KCNMA1: variants seen among roughly 807,000 people sequenced by gnomAD.
The protein encoded by KCNMA1 is Calcium-activated potassium channel subunit alpha-1.
KCNMA1 carries 29 observed loss-of-function variants against 140.0 expected under a neutral mutation model. That is an observed-to-expected ratio of 0.21 (90% CI 0.15 to 0.28). The LOEUF is 0.28. Ranked by LOEUF, KCNMA1 falls within the 10% of genes least tolerant of loss-of-function variation. The probability of loss-of-function intolerance (pLI) is 1.00; values close to 1 mark genes in which losing one functional copy is unlikely to be tolerated. For missense variants in KCNMA1, 880 were observed against 1,602.2 expected (o/e 0.55, Z 7.70); for synonymous variants, 612 against 611.9 (o/e 1.00, Z 0.00).
chr10:77,311,466 G>T, intron 2 of KCNMA1, among the ~76,000 whole-genome samples: 1 of 152,132 alleles, frequency 6.6e-6, no homozygotes, highest in East Asian at 1.9e-4. Flanking sequence ...GGGGGAGGAG[G>T]AATGGCAGCA....
intron 23 of KCNMA1, among the ~76,000 whole-genome samples, chr10:76,935,037 C>T (rs190829126): frequency 6.6e-4 from 100 of 152,328 alleles, no homozygotes; most frequent in African/African-American, 2.4e-3. Flanking sequence ...AGAAAGACTC[C>T]AACAGTCATA....
At chr10:77,362,948 A>G (rs2094096467) in intron 2 of KCNMA1, among the ~76,000 whole-genome samples, 1 of 152,178 alleles carries the variant, frequency 6.6e-6, no homozygotes, top group Non-Finnish European at 1.5e-5. Context: ...CCCCTGGTCC[A>G]TGATATAATA....
chr10:77,432,098 C>T (rs2097167939), intron 1 of KCNMA1, among the ~76,000 whole-genome samples: 1 of 152,170 alleles, frequency 6.6e-6, no homozygotes, highest in South Asian at 2.1e-4. Flanking sequence ...CTCCAGGCTC[C>T]CAGAGCCACA....
intron 2 of KCNMA1, among the ~76,000 whole-genome samples, chr10:77,324,041 T>C (rs1399473538): frequency 3.9e-5 from 6 of 152,194 alleles, no homozygotes; most frequent in Non-Finnish European, 1.5e-5. Context: ...AGTTATATCT[T>C]CTGTGGGGAT....
At chr10:77,570,460 C>T (rs1379524823) in intron 1 of KCNMA1, among the ~76,000 whole-genome samples, 2 of 149,332 alleles carry the variant, frequency 1.3e-5, no homozygotes, top group Admixed American at 6.7e-5. Flanking sequence ...AATTGGAAAT[C>T]ATCATTCTCA....
At chr10:76,935,696 A>T (rs980411280) in intron 23 of KCNMA1, among the ~76,000 whole-genome samples, 20 of 152,372 alleles carry the variant, frequency 1.3e-4, no homozygotes, top group African/African-American at 4.8e-4. Context: ...TGAGAGCCAG[A>T]TGCTAAAACC....
intron 2 of KCNMA1, among the ~76,000 whole-genome samples, chr10:77,352,489 G>GTA (rs1260896785): frequency 6.6e-6 from 1 of 152,190 alleles, no homozygotes; most frequent in African/African-American, 2.4e-5. Context: ...TGGCTATTGA[G>GTA]TACTCAAAAG....
intron 1 of KCNMA1, among the ~76,000 whole-genome samples, chr10:77,458,466 C>T (rs528505092): frequency 6.0e-4 from 92 of 152,320 alleles, no homozygotes; most frequent in African/African-American, 2.1e-3. Context: ...TCAACTTACA[C>T]ACATGAACAA....
At chr10:77,043,608 G>C (rs140527722) in intron 14 of KCNMA1, among the ~76,000 whole-genome samples, 90 of 152,310 alleles carry the variant, frequency 5.9e-4, no homozygotes, top group Non-Finnish European at 1.1e-3. Context: ...TCCATGGACA[G>C]ATGACTAGAT....
rs1331281272 is a variant in KCNMA1, at chr10:77,439,780, G to T, written c.379-35757C>A. 1.3e-5 allele frequency among the ~76,000 whole-genome samples: 2 copies of T among 152,190 alleles called. 1 individual carries two copies. Among genetic ancestry groups the T allele is most frequent in the African/African-American group, 4.8e-5 (2 of 41,438 alleles). Reference sequence around the variant, plus strand: ...CTGTGTCTTTTAGCTGCATTCGTGGGATGGGAGGGTTGTCAGGGAGGTTTC... The same window carrying T: ...CTGTGTCTTTTAGCTGCATTCGTGGTATGGGAGGGTTGTCAGGGAGGTTTC... On this transcript the variant is annotated intron_variant, in intron 1 of 27. Transcript: ENST00000286628.
intron 19 of KCNMA1, among the ~76,000 whole-genome samples, chr10:76,995,007 G>A (rs865908694): frequency 6.6e-6 from 1 of 152,102 alleles, no homozygotes; most frequent in African/African-American, 2.4e-5. Context: ...AGCCTCTCTC[G>A]AGTGACTTCA....
chr10:77,447,541 C>A (rs570375550), intron 1 of KCNMA1, among the ~76,000 whole-genome samples: 71 of 152,342 alleles, frequency 4.7e-4, no homozygotes, highest in African/African-American at 1.7e-3. Flanking sequence ...CAGGCACACT[C>A]ACAGCAGCTG....
At chr10:77,101,129 G>A (rs910838418) in intron 9 of KCNMA1, among the ~76,000 whole-genome samples, 1 of 152,064 alleles carries the variant, frequency 6.6e-6, no homozygotes, top group Non-Finnish European at 1.5e-5. Context: ...ATGGCTTAGA[G>A]GAATCCAAAA....
chr10:77,254,221 ACT>A (rs1253726753), intron 2 of KCNMA1, among the ~76,000 whole-genome samples: 1 of 111,300 alleles, frequency 9.0e-6, no homozygotes, highest in African/African-American at 3.3e-5. Context: ...CATGAAATAT[ACT>A]CTTTTTTTTT....
chr10:77,242,899 T>TAAAC (rs35452673), intron 3 of KCNMA1, among the ~76,000 whole-genome samples: 5 of 111,666 alleles, frequency 4.5e-5, no homozygotes, highest in African/African-American at 1.7e-4. Context: ...AATTGTTTCC[T>TAAAC]ACACACACAC....
chr10:77,284,329 T>C (rs1252388550), intron 2 of KCNMA1, among the ~76,000 whole-genome samples: 6 of 151,982 alleles, frequency 3.9e-5, no homozygotes, highest in Non-Finnish European at 5.9e-5. Flanking sequence ...GAGAGTAGAG[T>C]AAAATTCAAT....
At chr10:77,171,400 C>CGTGTGTGTGTGTGTGTGT (rs60927086) in intron 5 of KCNMA1, among the ~76,000 whole-genome samples, 8 of 128,932 alleles carry the variant, frequency 6.2e-5, no homozygotes, top group African/African-American at 1.3e-4. Context: ...TGTGTGTGTG[C>CGTGTGTGTGTGTGTGTGT]GTGTGTGTGT....
intron 1 of KCNMA1, among the ~76,000 whole-genome samples, chr10:77,619,314 GTCTCTCTC>G (rs61564819): frequency 7.6e-5 from 7 of 91,528 alleles, no homozygotes; most frequent in African/African-American, 1.3e-4. Context: ...CTGTCTGTCT[GTCTCTCTC>G]TCTCTCTCTC....
chr10:76,951,969 A>G, intron 21 of KCNMA1: 1 of 1,423,874 alleles, frequency 7.0e-7, no homozygotes. Context: ...TGTGTGGCAC[A>G]TAGTAGGCCT....
Sources: gnomAD v4.1 joint callset for allele counts (sites outside exome capture counted in the v4.1 genomes callset) on GRCh38, gnomAD v4.1.1 for gene constraint, MANE v1.5 for transcripts, NCBI Gene and HGNC (gene_info 2026-07-23, HGNC 2026-07-21) for gene names.